The following FGD5 variants were observed in gnomAD, a reference collection of about 807,000 sequenced individuals.
FGD5 encodes the protein FYVE, RhoGEF and PH domain-containing protein 5.
Under a neutral mutation model 133.4 loss-of-function variants are expected in FGD5, and 28 were observed. The ratio of observed to expected loss-of-function variants is 0.21; its 90% CI spans 0.16 to 0.29. The LOEUF (loss-of-function observed/expected upper bound fraction) is 0.29, where lower values mean the gene tolerates loss of function less well. FGD5 is among the 10% of genes least tolerant of loss of function. The pLI is 1.00. For missense variants in FGD5, 1,858 were observed against 1,895.2 expected (o/e 0.98, Z 0.36); for synonymous variants, 810 against 776.5 (o/e 1.04, Z -0.72).
rs552891114 is a variant in FGD5, at chr3:14,908,099, A to G, written c.3336+388A>G. 7.2e-5 allele frequency among the ~76,000 whole-genome samples: 11 copies of G among 152,344 alleles called. No individual in the cohort carries two copies. In the South Asian group the frequency reaches 2.3e-3, roughly 32 times the overall value. Reference sequence around the variant, plus strand: ...AAAAATAACATTCTTGAGGAGATAAATCCACTCTCTTTAAAGCTTCCAAAT... The same window carrying G: ...AAAAATAACATTCTTGAGGAGATAAGTCCACTCTCTTTAAAGCTTCCAAAT... On this transcript the variant is annotated intron_variant, in intron 10 of 19. Coordinates refer to ENST00000285046, the MANE Select transcript of FGD5 (RefSeq NM_152536.4).
chr3:14,838,472 C>A (rs561815215), intron 1 of FGD5, among the ~76,000 whole-genome samples: 14 of 152,298 alleles, frequency 9.2e-5, no homozygotes, highest in African/African-American at 2.9e-4. Flanking sequence ...CTGCCTATTA[C>A]AGTCTTTGAT....
intron 1 of FGD5, among the ~76,000 whole-genome samples, chr3:14,822,570 A>G (rs897660301): frequency 5.3e-5 from 8 of 151,328 alleles, no homozygotes; most frequent in African/African-American, 1.9e-4. Flanking sequence ...GGGTGTTCTG[A>G]CCTCACCTTC....
At chr3:14,909,538 A>T (rs2038405720) in intron 10 of FGD5, among the ~76,000 whole-genome samples, 2 of 152,226 alleles carry the variant, frequency 1.3e-5, no homozygotes, top group Admixed American at 1.3e-4. Context: ...CATGACAGAT[A>T]ACCGAAGTCT....
intron 9 of FGD5, among the ~76,000 whole-genome samples, chr3:14,905,541 G>C (rs2038322643): frequency 6.6e-6 from 1 of 152,164 alleles, no homozygotes; most frequent in African/African-American, 2.4e-5. Flanking sequence ...TCTTTCCTCA[G>C]CTGTGTTCCG....
chr3:14,884,118 A>C (rs1172907226), intron 4 of FGD5, among the ~76,000 whole-genome samples: 1 of 152,234 alleles, frequency 6.6e-6, no homozygotes, highest in Non-Finnish European at 1.5e-5. Context: ...ATGCTGGGCC[A>C]AGGACCTTAT....
At chr3:14,884,769 A>G (rs927086946) in intron 4 of FGD5, among the ~76,000 whole-genome samples, 3 of 152,196 alleles carry the variant, frequency 2.0e-5, no homozygotes, top group Non-Finnish European at 2.9e-5. Context: ...AGGTGTCTTC[A>G]TGTAGGCAGC....
At chr3:14,902,601 A>G (rs1056702260) in intron 9 of FGD5, among the ~76,000 whole-genome samples, 1 of 152,192 alleles carries the variant, frequency 6.6e-6, no homozygotes. Flanking sequence ...TGTGGGTCAG[A>G]CATGCCCTTT....
chr3:14,929,225 T>C (rs1183993427), intron 18 of FGD5, among the ~76,000 whole-genome samples: 2 of 152,238 alleles, frequency 1.3e-5, no homozygotes, highest in Non-Finnish European at 2.9e-5. Flanking sequence ...AATATACCAG[T>C]TTTGTTTAGC....
chr3:14,819,383 G>A lies in FGD5; in HGVS notation c.312G>A (p.Glu104=). The change falls in exon 1 of 20, where the codon GAG becomes GAA. Residue 104 remains glutamate, a synonymous_variant. Coordinates refer to ENST00000285046, the MANE Select transcript of FGD5 (RefSeq NM_152536.4). This position sits in a 1 kb window ranked among gnomAD's most constrained non-coding sequence, Gnocchi z 4.1. ...SSAEEEEERE[E]GGEACGLEGT... is the part of the protein sequence containing the mutation. ...CGGAAGAGGAAGAGGAGCGTGAAGA[G>A]GGAGGCGAGGCATGTGGCCTGGAGG... 6.5e-7 allele frequency: 1 copy of A among 1,549,992 alleles called. No individual in the cohort carries two copies. Among genetic ancestry groups the A allele is most frequent in the Non-Finnish European group, 8.7e-7 (1 of 1,146,188 alleles).
chr3:14,850,869 G>A (rs532473846), intron 1 of FGD5, among the ~76,000 whole-genome samples: 1 of 152,132 alleles, frequency 6.6e-6, no homozygotes, highest in Non-Finnish European at 1.5e-5. Flanking sequence ...TCTTGGAAGG[G>A]GGATAGATGG....
At chr3:14,878,450 T>C (rs2037761899) in intron 2 of FGD5, among the ~76,000 whole-genome samples, 1 of 152,208 alleles carries the variant, frequency 6.6e-6, no homozygotes. Context: ...CCCTGGTTAC[T>C]TGGTTTTGTT....
chr3:14,828,406 A>G (rs2036642830), intron 1 of FGD5, among the ~76,000 whole-genome samples: 1 of 152,230 alleles, frequency 6.6e-6, no homozygotes, highest in Admixed American at 6.5e-5. Context: ...TCCTTCATTC[A>G]GAAGGTACCT....
chr3:14,846,823 C>T (rs1687323), intron 1 of FGD5, among the ~76,000 whole-genome samples: 5,427 of 152,260 alleles, frequency 0.036, 195 homozygotes, highest in East Asian at 0.15. Context: ...TACATGTTTG[C>T]GGGAAGAATG....
intron 11 of FGD5, among the ~76,000 whole-genome samples, chr3:14,914,741 G>T (rs1275395826): frequency 6.6e-6 from 1 of 152,194 alleles, no homozygotes; most frequent in Non-Finnish European, 1.5e-5. Flanking sequence ...CCTGCTAGCT[G>T]TGACCTCAGG....
chr3:14,923,952 G>A, intron 16 of FGD5, 56 bp from the exon 17 acceptor site: 1 of 1,605,016 alleles, frequency 6.2e-7, no homozygotes, highest in East Asian at 2.2e-5. Context: ...GTGTTCCAAA[G>A]ACAAGCCGCA....
chr3:14,815,535 A>G (rs79853088), upstream of FGD5, among the ~76,000 whole-genome samples: 1 of 152,168 alleles, frequency 6.6e-6, no homozygotes, highest in African/African-American at 2.4e-5. Context: ...GGCCTGGCAC[A>G]TAGTTGGTAC....
chr3:14,922,377 A>G lies in FGD5; in HGVS notation c.3670-34A>G. Reference sequence around the variant, plus strand: ...TGCATCTGGCTGGTCTCCTGGCCACATTCCACATTACTCAGCCAATTCTGT... The same window carrying G: ...TGCATCTGGCTGGTCTCCTGGCCACGTTCCACATTACTCAGCCAATTCTGT... On this transcript the variant is annotated intron_variant, in intron 14 of 19. Coordinates refer to ENST00000285046, the MANE Select transcript of FGD5 (RefSeq NM_152536.4). The surrounding 1 kb of genome is among the most constrained non-coding windows in gnomAD (Gnocchi z 4.1). 1.3e-6 allele frequency: 2 copies of G among 1,555,916 alleles called. No homozygotes were observed. The highest frequency in any genetic ancestry group is 1.7e-6 in the Non-Finnish European group (2 of 1,149,418).
chr3:14,919,243 G>A (rs2038623797), intron 13 of FGD5, among the ~76,000 whole-genome samples: 1 of 152,112 alleles, frequency 6.6e-6, no homozygotes, highest in Non-Finnish European at 1.5e-5. Context: ...TCTAGAAGAT[G>A]AGAGAAAAAA....
At chr3:14,845,156 C>G (rs2037025725) in intron 1 of FGD5, among the ~76,000 whole-genome samples, 1 of 152,154 alleles carries the variant, frequency 6.6e-6, no homozygotes, top group Non-Finnish European at 1.5e-5. Flanking sequence ...AAAAAAAAGC[C>G]CTGATGCCTT....
Sources: gnomAD v4.1 joint callset for allele counts (sites outside exome capture counted in the v4.1 genomes callset) on GRCh38, gnomAD v4.1.1 for gene constraint, Gnocchi (gnomAD v3.1) non-coding constraint, MANE v1.5 for transcripts, NCBI Gene and HGNC (gene_info 2026-07-23, HGNC 2026-07-21) for gene names.